The following COL22A1 variants were observed in gnomAD, a reference collection of about 807,000 sequenced individuals.
COL22A1 encodes the protein collagen type XXII alpha 1 chain, also known as collagen alpha-1(XXII) chain.
In COL22A1, 221 loss-of-function variants were observed where a neutral mutation model predicts 248.9. The ratio of observed to expected loss-of-function variants is 0.89; its 90% CI spans 0.80 to 0.99. The LOEUF is 0.99. Ranked by LOEUF, COL22A1 falls within the 50% of genes least tolerant of loss-of-function variation. The probability of loss-of-function intolerance (pLI) is 0.00; values close to 1 mark genes in which losing one functional copy is unlikely to be tolerated. For synonymous variants in COL22A1, 891 were observed against 793.4 expected (o/e 1.12, Z -2.07); for missense variants, 2,240 against 2,179.0 (o/e 1.03, Z -0.56).
intron 45 of COL22A1, among the ~76,000 whole-genome samples, chr8:138,654,693 C>T (rs567688462): frequency 2.6e-5 from 4 of 152,242 alleles, no homozygotes; most frequent in South Asian, 4.2e-4. Context: ...CTCTCTCCCT[C>T]GTTCACAGCC....
At chr8:138,843,943 A>G (rs1821055560) in intron 4 of COL22A1, 141 bp downstream of exon 4, 2 of 783,052 alleles carry the variant, frequency 2.6e-6, no homozygotes, top group African/African-American at 1.7e-5. Flanking sequence ...TGCACGATTC[A>G]AACCACTTTA....
At chr8:138,743,730 C>A (rs1200206270) in intron 22 of COL22A1, among the ~76,000 whole-genome samples, 3 of 152,148 alleles carry the variant, frequency 2.0e-5, no homozygotes, top group African/African-American at 4.8e-5. Context: ...TGCTACCCAG[C>A]ACAATATCTG....
rs533173094 is a variant in COL22A1, at chr8:138,716,475, C to T, written c.2401-186G>A. Among the ~76,000 whole-genome samples the T allele has an allele frequency of 7.4e-4, 112 of 152,280 alleles. 1 individual carries two copies. Among genetic ancestry groups the T allele is most frequent in the African/African-American group, 2.5e-3 (103 of 41,566 alleles). ...AGAATTTCGTTCACTAGGGCATCCC[C>T]AAGCTCTTGTCTACTTCAGCTGTTT... On this transcript the variant is annotated intron_variant, in intron 28 of 64. Coordinates refer to ENST00000303045, the MANE Select transcript of COL22A1 (RefSeq NM_152888.3).
chr8:138,695,306 C>A (rs1200210645), intron 32 of COL22A1, among the ~76,000 whole-genome samples: 1 of 152,174 alleles, frequency 6.6e-6, no homozygotes, highest in Non-Finnish European at 1.5e-5. Flanking sequence ...TCTTTAAGGG[C>A]CCCTGGCCCA....
intron 1 of COL22A1, among the ~76,000 whole-genome samples, chr8:138,891,132 G>C (rs1825039428): frequency 6.6e-6 from 1 of 152,132 alleles, no homozygotes; most frequent in Non-Finnish European, 1.5e-5. Context: ...TAAAATGTTA[G>C]GAATAAATGT....
chr8:138,877,651 G>A (rs950935805), intron 3 of COL22A1, 99 bp downstream of exon 3: 7 of 1,254,734 alleles, frequency 5.6e-6, no homozygotes, highest in Middle Eastern at 2.8e-4. Context: ...CCTTCCTGGA[G>A]CCGGCCGTAG....
At chr8:138,902,901 A>G (rs183260070) in intron 1 of COL22A1, among the ~76,000 whole-genome samples, 224 of 152,020 alleles carry the variant, frequency 1.5e-3, no homozygotes, top group African/African-American at 5.1e-3. Context: ...GGTTGGTCTC[A>G]GGGATTATGG....
intron 23 of COL22A1, among the ~76,000 whole-genome samples, chr8:138,728,431 T>C (rs1176771607): frequency 6.6e-6 from 1 of 152,172 alleles, no homozygotes; most frequent in African/African-American, 2.4e-5. Context: ...GCAGTCTGAA[T>C]GAACAATTCA....
Position 138,826,529 on chromosome 8 carries a change from CGCCAGGCTCTCTAT to C in COL22A1, c.969+115_969+128del, listed in dbSNP as rs2131786377. ...CCTGCAGGTCCTCTGAGCCTCCATA[CGCCAGGCTCTCTAT>C]CTCTCTAGGCCCAGGGATAAGAGCC... On this transcript the variant is annotated intron_variant, in intron 6 of 64. Transcript: ENST00000303045. 12 of 968,472 alleles carry C rather than the reference CGCCAGGCTCTCTAT, an allele frequency of 1.2e-5. No individual in the cohort carries two copies. In the South Asian group the frequency reaches 1.5e-4, roughly 12 times the overall value. 60.0% of individuals were successfully genotyped at this position (968,472 alleles called of 1,614,324 possible). A position where few individuals can be genotyped will look rare whatever the true frequency, so the allele number is the denominator to read the frequency against.
At chr8:138,708,212 T>C (rs1165338822) in intron 30 of COL22A1, among the ~76,000 whole-genome samples, 2 of 152,060 alleles carry the variant, frequency 1.3e-5, no homozygotes, top group African/African-American at 2.4e-5. Context: ...CCATACTGCC[T>C]AAGGTAATTT....
At position 138,685,125 on chromosome 8, in the gene COL22A1, T is replaced by C. The variant is rs1041352192; in HGVS notation, c.2967+83A>G. ...GGCCACGGTTCAATTTCTGCAAAGT[T>C]TGGCAGTTAGATTTTTTTCCTTTTC... On this transcript the variant is annotated intron_variant, in intron 38 of 64. Transcript: ENST00000303045. 1.2e-5 allele frequency: 12 copies of C among 975,754 alleles called. No individual in the cohort carries two copies. In the Admixed American group the frequency reaches 2.3e-4, roughly 19 times the overall value. The allele number at this position is 975,754 out of a possible 1,614,324, so 60.4% of individuals were successfully genotyped here.
chr8:138,688,945 G>A lies in COL22A1; in HGVS notation c.2834C>T (p.Pro945Leu). The change falls in exon 37 of 65, where the codon CCA becomes CTA. Residue 945 changes from proline (P) to leucine (L), a missense_variant. Transcript: ENST00000303045. ...CTCACCACGCTCCCCATCTTTCCCT[G>A]GGGTGCCTCTGAGGCCGGGAGCACC... ...SVGAPGLRGT[P>L]GKDGERGEKG... 10 of 1,613,318 alleles carry A rather than the reference G, an allele frequency of 6.2e-6. No homozygotes were observed. Among genetic ancestry groups the A allele is most frequent in the Non-Finnish European group, 8.5e-6 (10 of 1,179,402 alleles).
chr8:138,867,907 G>A (rs1308810124), intron 3 of COL22A1, among the ~76,000 whole-genome samples: 1 of 152,124 alleles, frequency 6.6e-6, no homozygotes, highest in Non-Finnish European at 1.5e-5. Flanking sequence ...TGGGATTATA[G>A]GCACATGCCA....
chr8:138,636,905 TATC>T, intron 47 of COL22A1, 110 bp from the exon 48 acceptor site: 1 of 936,980 alleles, frequency 1.1e-6, no homozygotes, highest in Non-Finnish European at 1.7e-6. Flanking sequence ...AAAAATCTCT[TATC>T]AAGTTCCTGT....
intron 23 of COL22A1, among the ~76,000 whole-genome samples, chr8:138,732,743 A>G (rs954688895): frequency 2.0e-5 from 3 of 152,254 alleles, no homozygotes; most frequent in Admixed American, 1.3e-4. Flanking sequence ...TAACCAGTCC[A>G]ATTACTAATG....
At chr8:138,811,672 G>T in intron 9 of COL22A1, 127 bp downstream of exon 9, 1 of 1,049,720 alleles carries the variant, frequency 9.5e-7, no homozygotes, top group Non-Finnish European at 1.5e-6. Context: ...ACAACACAGG[G>T]TGCTGTCAGC....
rs376852966 is a variant in COL22A1 at position 138,878,304 on chromosome 8, A to C, written c.104T>G (p.Val35Gly). 7 of 1,549,964 alleles carry C rather than the reference A, an allele frequency of 4.5e-6. No individual in the cohort carries two copies. The highest frequency in any genetic ancestry group is 6.1e-6 in the Non-Finnish European group (7 of 1,146,106). ...CAGGAGGAAGACCAGATCGTAGTGG[A>C]CACTTTTGCAACCTGCAGGGGTGAG... ...CQAQRAGCKS[V>G]HYDLVFLLDT... The change falls in exon 3 of 65, where the codon GTC becomes GGC. Residue 35 changes from valine (V) to glycine (G), a missense_variant. Coordinates refer to ENST00000303045, the MANE Select transcript of COL22A1 (RefSeq NM_152888.3).
chr8:138,787,390 G>GAGC (rs562630009), intron 12 of COL22A1, among the ~76,000 whole-genome samples: 265 of 152,302 alleles, frequency 1.7e-3, no homozygotes, highest in Non-Finnish European at 3.2e-3. Context: ...CATGTTAACA[G>GAGC]AGCAGAACAG....
chr8:138,634,599 C>T (rs1479857243), intron 49 of COL22A1, among the ~76,000 whole-genome samples: 1 of 152,014 alleles, frequency 6.6e-6, no homozygotes, highest in Non-Finnish European at 1.5e-5. Flanking sequence ...CTCAGGGGGC[C>T]CAGTGGAGAT....
Sources: allele counts gnomAD v4.1 joint callset (sites outside exome capture counted in the v4.1 genomes callset), GRCh38; gene constraint gnomAD v4.1.1; transcripts MANE v1.5; gene names NCBI Gene and HGNC (gene_info 2026-07-23, HGNC 2026-07-21).